ZNF385D: variants seen among roughly 807,000 people sequenced by gnomAD.
The protein encoded by ZNF385D is zinc finger protein 385D.
ZNF385D carries 15 observed loss-of-function variants against 35.8 expected under a neutral mutation model. The observed-to-expected ratio is 0.42, with a 90% confidence interval of 0.28 to 0.64. The LOEUF (loss-of-function observed/expected upper bound fraction) is 0.64. Among genes scored for constraint, ZNF385D ranks in the 30% least tolerant of loss-of-function variants. ZNF385D has a pLI of 0.23. For synonymous variants in ZNF385D, 212 were observed against 186.8 expected, an observed-to-expected ratio of 1.13 and a Z score of -1.10; for missense variants, 474 against 494.6, an observed-to-expected ratio of 0.96 and a Z score of 0.39.
chr3:22,114,946 C>G (rs962441146), intron 3 of ZNF385D, among the ~76,000 whole-genome samples: 1 of 152,002 alleles, frequency 6.6e-6, no homozygotes, highest in Non-Finnish European at 1.5e-5. Context: ...AGGGCCTCAA[C>G]AGACACTAAA....
intron 3 of ZNF385D, among the ~76,000 whole-genome samples, chr3:21,819,000 AC>A (rs776348936): frequency 1.7e-4 from 26 of 152,006 alleles, no homozygotes; most frequent in Non-Finnish European, 3.2e-4. Flanking sequence ...ATGGTAGAAA[AC>A]TGCATATAAA....
At chr3:21,815,629 G>A (rs1050999843) in intron 3 of ZNF385D, among the ~76,000 whole-genome samples, 1 of 152,160 alleles carries the variant, frequency 6.6e-6, no homozygotes, top group Admixed American at 6.5e-5. Context: ...GACTAAACCA[G>A]GAAGAAGTTG....
intron 3 of ZNF385D, among the ~76,000 whole-genome samples, chr3:21,932,906 G>T (rs1309973996): frequency 6.6e-6 from 1 of 152,108 alleles, no homozygotes; most frequent in East Asian, 1.9e-4. Flanking sequence ...TGTTACCTGG[G>T]CCTATCTTGA....
rs1293575579 is a variant in ZNF385D, at chr3:21,418,125, T to C, written c.*3089A>G. ...TGCAACAATGCTTTTTCCAGAGGCATTTGGCTTCTGCAATGCATTTATATT... is the reference window on the plus strand; with the variant it reads ...TGCAACAATGCTTTTTCCAGAGGCACTTGGCTTCTGCAATGCATTTATATT... On this transcript the variant is annotated 3_prime_UTR_variant, in exon 8 of 8. Transcript: ENST00000281523. The C allele has an allele frequency of 6.6e-6, 1 of 152,138 alleles. No individual in the cohort carries two copies. Among genetic ancestry groups the C allele is most frequent in the African/African-American group, 2.4e-5 (1 of 41,456 alleles). 9.4% of individuals were successfully genotyped at this position (152,138 alleles called of 1,614,324 possible). A position where few individuals can be genotyped will look rare whatever the true frequency, so the allele number is the denominator to read the frequency against.
At chr3:22,299,476 AC>A (rs1702779910) in intron 2 of ZNF385D, among the ~76,000 whole-genome samples, 1 of 151,838 alleles carries the variant, frequency 6.6e-6, no homozygotes, top group Admixed American at 6.6e-5. Context: ...AAAAAAGAAA[AC>A]AAAAGTAAAA....
intron 3 of ZNF385D, among the ~76,000 whole-genome samples, chr3:21,960,443 T>C (rs960693283): frequency 9.2e-6 from 1 of 108,504 alleles, no homozygotes; most frequent in African/African-American, 3.0e-5. Context: ...TAGCAAATGC[T>C]GGTGTGGATG....
At chr3:21,779,930 C>T (rs1229731506) in intron 3 of ZNF385D, among the ~76,000 whole-genome samples, 2 of 151,868 alleles carry the variant, frequency 1.3e-5, no homozygotes, top group African/African-American at 4.8e-5. Flanking sequence ...AAAATCAATT[C>T]AGAAGAAATT....
At chr3:21,492,290 A>G (rs1373057414) in intron 4 of ZNF385D, among the ~76,000 whole-genome samples, 1 of 152,032 alleles carries the variant, frequency 6.6e-6, no homozygotes, top group African/African-American at 2.4e-5. Flanking sequence ...CTAAATAACC[A>G]ATTATTAAAA....
intron 3 of ZNF385D, among the ~76,000 whole-genome samples, chr3:21,998,439 T>C (rs1036436915): frequency 2.6e-5 from 4 of 152,240 alleles, no homozygotes; most frequent in African/African-American, 9.6e-5. Context: ...TTACTTTTAG[T>C]GTCACTATGA....
At chr3:21,960,103 GA>G (rs545457708) in intron 3 of ZNF385D, among the ~76,000 whole-genome samples, 95 of 146,410 alleles carry the variant, frequency 6.5e-4, no homozygotes, top group African/African-American at 2.1e-3. Context: ...AAAAAGTGAT[GA>G]AAAAAAATCT....
At chr3:22,185,602 G>A (rs1335868503) in intron 2 of ZNF385D, among the ~76,000 whole-genome samples, 1 of 151,952 alleles carries the variant, frequency 6.6e-6, no homozygotes, top group Non-Finnish European at 1.5e-5. Flanking sequence ...TGAGTAGCTG[G>A]GATTACAGGC....
At chr3:21,809,870 T>C (rs2072834118) in intron 3 of ZNF385D, among the ~76,000 whole-genome samples, 1 of 151,896 alleles carries the variant, frequency 6.6e-6, no homozygotes, top group South Asian at 2.1e-4. Flanking sequence ...AATTGAGGTA[T>C]AACTAAAAAA....
chr3:22,250,524 G>A (rs1177054217), intron 2 of ZNF385D, among the ~76,000 whole-genome samples: 2 of 152,128 alleles, frequency 1.3e-5, no homozygotes, highest in East Asian at 3.9e-4. Flanking sequence ...CCCACAACCT[G>A]ACAATACATA....
At chr3:21,487,008 A>T (rs1290336503) in intron 4 of ZNF385D, among the ~76,000 whole-genome samples, 1 of 152,076 alleles carries the variant, frequency 6.6e-6, no homozygotes, top group Admixed American at 6.6e-5. Context: ...ATGATTTACA[A>T]ATGTAATGCA....
chr3:22,023,426 T>G (rs918803002), intron 3 of ZNF385D, among the ~76,000 whole-genome samples: 1 of 152,282 alleles, frequency 6.6e-6, no homozygotes, highest in Middle Eastern at 3.4e-3. Context: ...CCCAGCGGCA[T>G]AGACCACTAA....
intron 3 of ZNF385D, among the ~76,000 whole-genome samples, chr3:22,077,106 T>C (rs1700502611): frequency 6.6e-6 from 1 of 151,944 alleles, no homozygotes; most frequent in Admixed American, 6.6e-5. Flanking sequence ...TAAAAATATA[T>C]ATAATAAAAA....
intron 2 of ZNF385D, among the ~76,000 whole-genome samples, chr3:21,622,884 A>G (rs1292207796): frequency 6.6e-6 from 1 of 152,088 alleles, no homozygotes; most frequent in Non-Finnish European, 1.5e-5. Context: ...GCAAAATATA[A>G]TGGTAAAGGA....
At chr3:21,503,047 G>A (rs1163983515) in intron 4 of ZNF385D, among the ~76,000 whole-genome samples, 1 of 152,140 alleles carries the variant, frequency 6.6e-6, no homozygotes, top group Non-Finnish European at 1.5e-5. Context: ...CACTGCAGCA[G>A]ATCTATAAGA....
chr3:21,743,174 A>G (rs1029297927), intron 1 of ZNF385D, among the ~76,000 whole-genome samples: 8 of 152,270 alleles, frequency 5.3e-5, no homozygotes, highest in Non-Finnish European at 1.2e-4. Flanking sequence ...CTTATCAGTC[A>G]TGGAACAAAG....
Sources: allele counts gnomAD v4.1 joint callset (sites outside exome capture counted in the v4.1 genomes callset), GRCh38; gene constraint gnomAD v4.1.1; transcripts MANE v1.5; gene names NCBI Gene and HGNC (gene_info 2026-07-23, HGNC 2026-07-21).